The following RPS6KC1 variants were observed in gnomAD, a reference collection of about 807,000 sequenced individuals.
RPS6KC1 encodes the protein inactive ribosomal protein S6 kinase delta-1.
Under a neutral mutation model 103.8 loss-of-function variants are expected in RPS6KC1, and 54 were observed. The ratio of observed to expected loss-of-function variants is 0.52; its 90% confidence interval spans 0.42 to 0.65. The LOEUF is 0.65. Among genes scored for constraint, RPS6KC1 ranks in the 30% least tolerant of loss-of-function variants. The pLI is 0.00. For synonymous variants in RPS6KC1, 439 were observed against 438.7 expected (o/e 1.00, Z -0.01); for missense variants, 1,151 against 1,253.8 (o/e 0.92, Z 1.24).
At chr1:213,651,510 A>G in the RPS6KC1 span, among the ~76,000 whole-genome samples, 2 of 152,208 alleles carry the variant, frequency 1.3e-5, no homozygotes, top group East Asian at 1.9e-4. Context: ...CTGGTGCACG[A>G]TGCCCATGGG....
chr1:213,728,669 A>T, the RPS6KC1 span, among the ~76,000 whole-genome samples: 2 of 152,106 alleles, frequency 1.3e-5, no homozygotes, highest in Admixed American at 1.3e-4. Flanking sequence ...TCTGCTGAAA[A>T]AGAGCTCCAC....
the RPS6KC1 span, among the ~76,000 whole-genome samples, chr1:213,411,142 C>T: frequency 6.6e-6 from 1 of 152,196 alleles, no homozygotes; most frequent in African/African-American, 2.4e-5. Flanking sequence ...TTCCACCCTG[C>T]TCATTCACTT....
At chr1:213,204,711 C>T (rs1253002316) in intron 8 of RPS6KC1, among the ~76,000 whole-genome samples, 1 of 150,220 alleles carries the variant, frequency 6.7e-6, no homozygotes, top group Non-Finnish European at 1.5e-5. Context: ...GCAGTCCCGA[C>T]GTCTTGGGCT....
chr1:213,588,852 G>T, the RPS6KC1 span, among the ~76,000 whole-genome samples: 2 of 152,170 alleles, frequency 1.3e-5, no homozygotes, highest in African/African-American at 4.8e-5. Flanking sequence ...ATCTCCACTA[G>T]CGCTCTCACT....
intron 2 of RPS6KC1, among the ~76,000 whole-genome samples, chr1:213,076,891 C>T (rs1420104199): frequency 6.7e-6 from 1 of 148,530 alleles, no homozygotes; most frequent in Non-Finnish European, 1.5e-5. Flanking sequence ...TTTTTTGAGA[C>T]AAGAGTCTTA....
the RPS6KC1 span, among the ~76,000 whole-genome samples, chr1:213,548,168 A>T: frequency 6.6e-6 from 1 of 152,252 alleles, no homozygotes; most frequent in Non-Finnish European, 1.5e-5. Context: ...AGCAAAAGTG[A>T]TTCAACTACA....
chr1:213,292,205 C>T, the RPS6KC1 span, among the ~76,000 whole-genome samples: 612 of 152,008 alleles, frequency 4.0e-3, 6 homozygotes, highest in African/African-American at 0.014. Context: ...ACCTATGTAA[C>T]TAACCTGCAC....
the RPS6KC1 span, among the ~76,000 whole-genome samples, chr1:213,613,573 C>T: frequency 2.6e-5 from 4 of 152,204 alleles, no homozygotes; most frequent in Non-Finnish European, 5.9e-5. Flanking sequence ...TTGGCAGTGT[C>T]CAGTCTTGCA....
At chr1:213,710,600 T>C in the RPS6KC1 span, among the ~76,000 whole-genome samples, 3 of 152,224 alleles carry the variant, frequency 2.0e-5, no homozygotes, top group African/African-American at 7.2e-5. Context: ...ATGTAGTTTC[T>C]TCATAGTGTC....
chr1:213,470,611 ATTTTTTT>A, the RPS6KC1 span, among the ~76,000 whole-genome samples: 1 of 99,800 alleles, frequency 1.0e-5, no homozygotes, highest in Non-Finnish European at 2.0e-5. Context: ...TTTATTCTTA[ATTTTTTT>A]TTTTTTTTTT....
the RPS6KC1 span, among the ~76,000 whole-genome samples, chr1:213,566,667 T>C: frequency 1.7e-4 from 26 of 151,832 alleles, no homozygotes; most frequent in African/African-American, 6.3e-4. Context: ...ATTCCTCAGA[T>C]TTTTCAGTTT....
the RPS6KC1 span, among the ~76,000 whole-genome samples, chr1:213,860,911 C>A: frequency 7.9e-5 from 12 of 151,758 alleles, no homozygotes; most frequent in Middle Eastern, 3.2e-3. Flanking sequence ...TGGGTTCAAG[C>A]GATTCTTCTG....
chr1:213,361,354 A>G, the RPS6KC1 span, among the ~76,000 whole-genome samples: 1 of 152,210 alleles, frequency 6.6e-6, no homozygotes, highest in South Asian at 2.1e-4. Context: ...GACCCTCTGA[A>G]CCAGGAGCGG....
chr1:213,593,990 C>A, the RPS6KC1 span, among the ~76,000 whole-genome samples: 1 of 152,080 alleles, frequency 6.6e-6, no homozygotes, highest in Non-Finnish European at 1.5e-5. Context: ...CTCAGCCTAC[C>A]AAGTATCTGG....
At chr1:213,364,199 G>A in the RPS6KC1 span, among the ~76,000 whole-genome samples, 3 of 152,178 alleles carry the variant, frequency 2.0e-5, no homozygotes, top group African/African-American at 7.2e-5. Flanking sequence ...TACAAAAACA[G>A]GCAGTGGCCT....
intron 3 of RPS6KC1, among the ~76,000 whole-genome samples, chr1:213,101,352 G>T (rs2082003235): frequency 6.6e-6 from 1 of 152,108 alleles, no homozygotes. Flanking sequence ...CTGATAATAG[G>T]ATTCAATGTA....
the RPS6KC1 span, among the ~76,000 whole-genome samples, chr1:213,611,464 G>T: frequency 6.6e-6 from 1 of 152,122 alleles, no homozygotes; most frequent in African/African-American, 2.4e-5. Context: ...CCTAGGACTT[G>T]CCAACTCACT....
At chr1:213,626,801 C>T in the RPS6KC1 span, among the ~76,000 whole-genome samples, 4 of 152,166 alleles carry the variant, frequency 2.6e-5, no homozygotes, top group African/African-American at 9.7e-5. Flanking sequence ...TGTTTTGGTA[C>T]CAGTACCATG....
the RPS6KC1 span, among the ~76,000 whole-genome samples, chr1:213,568,334 C>T: frequency 1.3e-5 from 2 of 152,178 alleles, no homozygotes; most frequent in Non-Finnish European, 2.9e-5. Flanking sequence ...AGATTAGTGC[C>T]AGTCTTTTCC....
Sources: gnomAD v4.1 joint callset for allele counts (sites outside exome capture counted in the v4.1 genomes callset) on GRCh38, gnomAD v4.1.1 for gene constraint, MANE v1.5 for transcripts, NCBI Gene and HGNC (gene_info 2026-07-23, HGNC 2026-07-21) for gene names.